Variants in ANKRD18A observed in about 807,000 individuals in gnomAD.
ANKRD18A encodes ankyrin repeat domain-containing protein 18A.
Under a neutral mutation model 110.6 loss-of-function variants are expected in ANKRD18A, and 72 were observed. That is an observed-to-expected ratio of 0.65 (90% CI 0.54 to 0.79). The LOEUF (loss-of-function observed/expected upper bound fraction) is 0.79. ANKRD18A is among the 30% of genes least tolerant of loss of function. ANKRD18A has a pLI of 0.00. For synonymous variants in ANKRD18A, 305 were observed against 410.3 expected (o/e 0.74, Z 3.10); for missense variants, 934 against 1,163.3 (o/e 0.80, Z 2.87).
chr9:38,600,381 CAGAA>C (rs1468765963), intron 8 of ANKRD18A, among the ~76,000 whole-genome samples: 4 of 152,118 alleles, frequency 2.6e-5, no homozygotes, highest in African/African-American at 9.7e-5. Flanking sequence ...GAATACCAAT[CAGAA>C]AGGGAAGAAA....
At chr9:38,617,823 G>A (rs189878363) in intron 1 of ANKRD18A, among the ~76,000 whole-genome samples, 9 of 152,298 alleles carry the variant, frequency 5.9e-5, no homozygotes, top group African/African-American at 2.2e-4. Context: ...TTCGAGTTAT[G>A]TTTGATGAAT....
rs1363370799 is a variant in ANKRD18A, at chr9:38,578,009, T to G, written c.2387A>C (p.Lys796Thr). Residue 796 changes from lysine to threonine, a missense_variant, in exon 13 of 16, where the codon AAG becomes ACG. By Grantham distance (78) the Lys-to-Thr change is moderately conservative (BLOSUM62 -1). Coordinates refer to ENST00000399703, the MANE Select transcript of ANKRD18A (RefSeq NM_147195.4). ...ATTTAATACTTCTTCTTCCAACATC[T>G]TTTTATCCTTCTCAAGTTTTTCACA... is the stretch of plus-strand genomic sequence containing the variant. The part of the protein sequence containing the change: ...EKCEKLEKDK[K>T]MLEEEVLNLK... The G allele has an allele frequency of 1.3e-6, 2 of 1,557,534 alleles. No homozygotes were observed. Among genetic ancestry groups the G allele is most frequent in the Admixed American group, 1.9e-5 (1 of 52,438 alleles).
At chr9:38,566,506 C>T (rs1823487222), downstream of ANKRD18A, 2 of 152,154 alleles carry the variant, frequency 1.3e-5, no homozygotes, top group South Asian at 2.1e-4. Context: ...TAAGATGGTC[C>T]AAACCTTCTC....
In ANKRD18A at chr9:38,620,537, G is replaced by GC. The variant is rs953190879; in HGVS notation, c.-253dup. 6.8e-6 allele frequency: 9 copies of GC among 1,332,622 alleles called. No homozygotes were observed. Among genetic ancestry groups the GC allele is most frequent in the Non-Finnish European group, 8.7e-6 (9 of 1,036,040 alleles). The allele number at this position is 1,332,622 out of a possible 1,614,324, so 82.5% of individuals were successfully genotyped here. On this transcript the variant is annotated 5_prime_UTR_variant, in exon 1 of 16. Transcript: ENST00000399703. ...GACTCCGACCTCTCAGACCGAGTGAGCCCAGCTAAGCCGTTAGGCGCGCGC... is the reference window on the plus strand; with the variant it reads ...GACTCCGACCTCTCAGACCGAGTGAGCCCCAGCTAAGCCGTTAGGCGCGCGC...
intron 5 of ANKRD18A, among the ~76,000 whole-genome samples, chr9:38,609,015 T>A (rs1825481561): frequency 6.6e-6 from 1 of 152,154 alleles, no homozygotes; most frequent in South Asian, 2.1e-4. Flanking sequence ...AAGGATAACA[T>A]ACCATGAAGG....
At chr9:38,569,451 A>G (rs1823559218), downstream of ANKRD18A, 3 of 983,266 alleles carry the variant, frequency 3.1e-6, no homozygotes, top group East Asian at 1.2e-4. Context: ...CCTAGAAAAC[A>G]ATCCTTCATG....
chr9:38,608,271 A>G (rs1389239990), intron 5 of ANKRD18A, among the ~76,000 whole-genome samples: 1 of 151,844 alleles, frequency 6.6e-6, no homozygotes, highest in African/African-American at 2.4e-5. Context: ...TTCCTTCTCT[A>G]CCTCCTCAAA....
rs772320394 is a variant in ANKRD18A, at chr9:38,595,676, A to G, written c.1664T>C (p.Leu555Ser). Reference sequence around the variant, plus strand: ...AGCATCCTCTAGTTGTCGTTCAAGCAAGAGATTTTCAAGTTCTTGTTGACG... The same window carrying G: ...AGCATCCTCTAGTTGTCGTTCAAGCGAGAGATTTTCAAGTTCTTGTTGACG... Reference protein sequence around the residue: ...RIRQQELENLLLERQLEDARK... With the variant: ...RIRQQELENLSLERQLEDARK... Residue 555 changes from leucine to serine, a missense_variant, in exon 9 of 16, where the codon TTG becomes TCG. Leu to Ser is a moderately radical substitution (Grantham distance 145). Transcript: ENST00000399703. The G allele has an allele frequency of 6.4e-6, 10 of 1,551,158 alleles. No individual in the cohort carries two copies. The Admixed American group carries it at 1.4e-4, about 21-fold the overall frequency.
At chr9:38,606,901 G>A (rs1825384112) in intron 6 of ANKRD18A, among the ~76,000 whole-genome samples, 1 of 151,886 alleles carries the variant, frequency 6.6e-6, no homozygotes, top group Admixed American at 6.6e-5. Context: ...GTAGGTAAAT[G>A]AATTTTTTCA....
chr9:38,617,674 A>G (rs1201985047), intron 1 of ANKRD18A, among the ~76,000 whole-genome samples: 2 of 152,150 alleles, frequency 1.3e-5, no homozygotes, highest in African/African-American at 4.8e-5. Flanking sequence ...GAAAGGTGGG[A>G]GGAAAAGCTT....
At chr9:38,612,374 T>C (rs1201147815) in intron 3 of ANKRD18A, among the ~76,000 whole-genome samples, 1 of 152,130 alleles carries the variant, frequency 6.6e-6, no homozygotes, top group East Asian at 1.9e-4. Flanking sequence ...TTTAAATTGC[T>C]ATTTAACATT....
Position 38,595,511 on chromosome 9 carries a change from C to G in ANKRD18A, c.1829G>C (p.Cys610Ser), listed in dbSNP as rs551934056. Residue 610 changes from cysteine (C) to serine (S), a missense_variant, in exon 9 of 16, where the codon TGT becomes TCT. Coordinates refer to ENST00000399703, the MANE Select transcript of ANKRD18A (RefSeq NM_147195.4). The stretch of plus-strand genomic sequence containing the variant: ...TTCTCTTTCTGCTTTTTCTTTTTCA[C>G]ACTGAAGCAGTTTTTCTTTTAAATA... ...YNYLKEKLLQ[C>S]EKEKAEREVI... 9 of 1,491,948 alleles carry G rather than the reference C, an allele frequency of 6.0e-6. No individual in the cohort carries two copies. The highest frequency in any genetic ancestry group is 5.3e-6 in the Non-Finnish European group (6 of 1,122,722). The allele number at this position is 1,491,948 out of a possible 1,614,324, so 92.4% of individuals were successfully genotyped here. A position where few individuals can be genotyped will look rare whatever the true frequency, so the allele number is the denominator to read the frequency against.
chr9:38,612,094 T>C (rs550263130), intron 3 of ANKRD18A, among the ~76,000 whole-genome samples: 1 of 152,226 alleles, frequency 6.6e-6, no homozygotes, highest in Admixed American at 6.5e-5. Context: ...ACTAAGGAAA[T>C]GAGCTCTGAA....
At chr9:38,591,296 C>T (rs1328168648) in intron 10 of ANKRD18A, among the ~76,000 whole-genome samples, 1 of 151,960 alleles carries the variant, frequency 6.6e-6, no homozygotes, top group African/African-American at 2.4e-5. Flanking sequence ...GTTTGAGAGG[C>T]AGTTCTACAC....
chr9:38,620,160 G>A lies in ANKRD18A; in HGVS notation c.126C>T (p.Ala42=), dbSNP rs530341173. The A allele has an allele frequency of 2.5e-6, 4 of 1,569,006 alleles. No homozygotes were observed. Among genetic ancestry groups the A allele is most frequent in the African/African-American group, 2.7e-5 (2 of 74,008 alleles). ...DWELRKIHRA[A]IKGDAAEVER... is the part of the protein sequence containing the mutation. The stretch of plus-strand genomic sequence containing the variant: ...CCACCTCCGCGGCGTCGCCCTTGAT[G>A]GCAGCCCTGTGGATCTTCCGCAGTT... The change falls in exon 1 of 16, where the codon GCC becomes GCT. Residue 42 remains alanine (A), a synonymous_variant. Coordinates refer to ENST00000399703, the MANE Select transcript of ANKRD18A (RefSeq NM_147195.4).
At chr9:38,575,024 G>A (rs965835444) in intron 15 of ANKRD18A, among the ~76,000 whole-genome samples, 5 of 151,756 alleles carry the variant, frequency 3.3e-5, no homozygotes, top group Middle Eastern at 3.4e-3. Flanking sequence ...AACCCAGGAG[G>A]CAGAGGTTGC....
chr9:38,568,731 A>G (rs977948231), downstream of ANKRD18A: 284 of 985,152 alleles, frequency 2.9e-4, no homozygotes, highest in Non-Finnish European at 3.4e-4. Flanking sequence ...GTCTTGGGCC[A>G]AATTCTAACT....
intron 12 of ANKRD18A, among the ~76,000 whole-genome samples, chr9:38,580,929 C>T (rs10973923): frequency 0.26 from 40,158 of 151,582 alleles, 5,773 homozygotes; most frequent in East Asian, 0.44. Context: ...GTGCCAGTGT[C>T]GGTGTTCATG....
At position 38,615,640 on chromosome 9, in the gene ANKRD18A, G is replaced by C; in HGVS notation, c.449C>G (p.Ala150Gly). 6.2e-7 allele frequency: 1 copy of C among 1,610,798 alleles called. No individual in the cohort carries two copies. Among genetic ancestry groups the C allele is most frequent in the Non-Finnish European group, 8.5e-7 (1 of 1,179,240 alleles). ...YAVYNKGTSL[A>G]ERLLSHHANI... ...TGCATGGTGGGAAAGCAGTCTTTCTGCCAGTGAAGTCCCCTTATTATACAC... is the reference window on the plus strand; with the variant it reads ...TGCATGGTGGGAAAGCAGTCTTTCTCCCAGTGAAGTCCCCTTATTATACAC... Residue 150 changes from alanine (A) to glycine (G), a missense_variant, in exon 3 of 16, where the codon GCA (alanine) becomes GGA (glycine). Physicochemically the swap from Ala to Gly is moderately conservative, Grantham distance 60. This residue lies in a region of ANKRD18A where 630 missense variants were observed against 797.5 expected (regional missense o/e 0.79). Transcript: ENST00000399703.
Sources: gnomAD v4.1 joint callset for allele counts (sites outside exome capture counted in the v4.1 genomes callset) on GRCh38, gnomAD v4.1.1 for gene constraint, gnomAD v4.1.1 regional missense constraint, MANE v1.5 for transcripts, NCBI Gene and HGNC (gene_info 2026-07-23, HGNC 2026-07-21) for gene names.